CDK8: variants seen among roughly 807,000 people sequenced by gnomAD.
The protein encoded by CDK8 is cyclin dependent kinase 8, also known as cyclin-dependent kinase 8.
CDK8 carries 29 observed loss-of-function variants against 71.5 expected under a neutral mutation model. The ratio of observed to expected loss-of-function variants is 0.41; its 90% confidence interval spans 0.30 to 0.55. The LOEUF (loss-of-function observed/expected upper bound fraction) is 0.55, where lower values mean the gene tolerates loss of function less well. Among genes scored for constraint, CDK8 ranks in the 20% least tolerant of loss-of-function variants. CDK8 has a pLI of 0.37. For synonymous variants in CDK8, 161 were observed against 192.1 expected (o/e 0.84, Z 1.34); for missense variants, 288 against 572.6 (o/e 0.50, Z 5.07).
At chr13:26,381,394 T>C (rs1020148720) in intron 4 of CDK8, among the ~76,000 whole-genome samples, 1 of 152,274 alleles carries the variant, frequency 6.6e-6, no homozygotes, top group Middle Eastern at 3.4e-3. Context: ...TTATTTGTCC[T>C]GGGTAGCACC....
At chr13:26,339,752 AAAAAAT>A (rs1470524131) in intron 2 of CDK8, among the ~76,000 whole-genome samples, 16 of 41,842 alleles carry the variant, frequency 3.8e-4, no homozygotes, top group Non-Finnish European at 3.3e-4. Context: ...TTACTTAAAA[AAAAAAT>A]ATATATATAT....
At chr13:26,358,447 T>G (rs1375308126) in intron 4 of CDK8, among the ~76,000 whole-genome samples, 1 of 152,206 alleles carries the variant, frequency 6.6e-6, no homozygotes, top group Non-Finnish European at 1.5e-5. Flanking sequence ...TAAGGCATTC[T>G]AAGAATTTTT....
chr13:26,281,950 A>G (rs964099974), intron 1 of CDK8, among the ~76,000 whole-genome samples: 110 of 152,160 alleles, frequency 7.2e-4, no homozygotes, highest in Non-Finnish European at 7.4e-5. Context: ...ATAGACTAGA[A>G]CAAATAGAAG....
chr13:26,317,334 G>A (rs1196283769), intron 1 of CDK8, among the ~76,000 whole-genome samples: 1 of 152,138 alleles, frequency 6.6e-6, no homozygotes, highest in Non-Finnish European at 1.5e-5. Flanking sequence ...GGAAAAAACT[G>A]ATAGGGAGAG....
At chr13:26,306,494 A>G (rs1874045123) in intron 1 of CDK8, among the ~76,000 whole-genome samples, 1 of 152,114 alleles carries the variant, frequency 6.6e-6, no homozygotes, top group Non-Finnish European at 1.5e-5. Flanking sequence ...TTAAAATAAT[A>G]TGAATCCTTT....
At chr13:26,355,793 A>T (rs1191670112) in intron 4 of CDK8, among the ~76,000 whole-genome samples, 1 of 152,174 alleles carries the variant, frequency 6.6e-6, no homozygotes, top group Non-Finnish European at 1.5e-5. Context: ...ACTGTGGCTT[A>T]AGGACATTTT....
intron 4 of CDK8, among the ~76,000 whole-genome samples, chr13:26,370,282 C>T (rs61944777): frequency 0.014 from 2,157 of 152,152 alleles, 20 homozygotes; most frequent in Non-Finnish European, 0.02. Flanking sequence ...AAATAAGATC[C>T]GGGTGAACTT....
Position 26,260,824 on chromosome 13 carries a change from A to C in CDK8, c.128+6055A>C, listed in dbSNP as rs142696543. 6.6e-3 allele frequency among the ~76,000 whole-genome samples: 1,002 copies of C among 152,364 alleles called. 2 individuals are homozygous for C. The highest frequency in any genetic ancestry group is 0.023 in the African/African-American group (951 of 41,594). On this transcript the variant is annotated intron_variant, in intron 1 of 12. Coordinates refer to ENST00000381527, the MANE Select transcript of CDK8 (RefSeq NM_001260.3). ...GTGATTCATTTGTTAGATGGGAACT[A>C]TGTATGGCAAATCAGTGTTGATAAA...
At chr13:26,351,120 G>T (rs1873662550) in intron 3 of CDK8, among the ~76,000 whole-genome samples, 1 of 152,108 alleles carries the variant, frequency 6.6e-6, no homozygotes, top group East Asian at 1.9e-4. Context: ...TAAGAAACAA[G>T]TAAACTAAAC....
chr13:26,398,248 CA>C (rs1876084619), intron 9 of CDK8, among the ~76,000 whole-genome samples: 1 of 152,156 alleles, frequency 6.6e-6, no homozygotes, highest in Non-Finnish European at 1.5e-5. Context: ...AATGTACTTA[CA>C]GTAGGACCCA....
intron 12 of CDK8, among the ~76,000 whole-genome samples, chr13:26,403,272 G>T (rs1399227233): frequency 1.3e-5 from 2 of 152,140 alleles, no homozygotes; most frequent in East Asian, 3.9e-4. Context: ...TGGTTTAGAA[G>T]GCTGAGGGGA....
intron 1 of CDK8, among the ~76,000 whole-genome samples, chr13:26,286,776 C>T (rs1361785028): frequency 3.3e-5 from 5 of 152,082 alleles, no homozygotes; most frequent in Admixed American, 2.6e-4. Flanking sequence ...AGGACTAATA[C>T]CCAGAATCTA....
intron 4 of CDK8, among the ~76,000 whole-genome samples, chr13:26,363,157 T>TAA (rs551583949): frequency 3.1e-4 from 42 of 137,534 alleles, no homozygotes; most frequent in African/African-American, 8.3e-4. Flanking sequence ...CCATCTCTGC[T>TAA]AAAAAAAAAA....
intron 1 of CDK8, among the ~76,000 whole-genome samples, chr13:26,304,869 A>G (rs1196614880): frequency 1.3e-5 from 2 of 151,916 alleles, no homozygotes; most frequent in Admixed American, 6.6e-5. Flanking sequence ...GGGTCTCACT[A>G]TGTAGCCCAG....
At chr13:26,336,524 C>T (rs1348332393) in intron 1 of CDK8, among the ~76,000 whole-genome samples, 2 of 150,516 alleles carry the variant, frequency 1.3e-5, no homozygotes, top group East Asian at 1.9e-4. Context: ...CCATTTAGGC[C>T]TCAGATGGCA....
intron 4 of CDK8, among the ~76,000 whole-genome samples, chr13:26,366,361 T>A (rs1174049844): frequency 6.6e-6 from 1 of 152,168 alleles, no homozygotes; most frequent in African/African-American, 2.4e-5. Context: ...ATAAATTTTG[T>A]TTGAATCAAC....
intron 1 of CDK8, among the ~76,000 whole-genome samples, chr13:26,293,913 C>T (rs1400797194): frequency 6.6e-6 from 1 of 152,048 alleles, no homozygotes; most frequent in African/African-American, 2.4e-5. Context: ...TTGCAAACCT[C>T]TCCCCAATCA....
At chr13:26,370,570 T>C (rs1042347698) in intron 4 of CDK8, among the ~76,000 whole-genome samples, 10 of 152,250 alleles carry the variant, frequency 6.6e-5, no homozygotes, top group Non-Finnish European at 1.5e-4. Context: ...ATACTTCCAA[T>C]ATTCTAGCAC....
rs191644469 is a variant in CDK8, at chr13:26,254,779, T to C, written c.128+10T>C. Reference sequence around the variant, plus strand: ...CCAAGAGGAAAGATGGGTGAGTGTGTGTGTCTGGGCCGGTGTCCGCGCTGG... The same window carrying C: ...CCAAGAGGAAAGATGGGTGAGTGTGCGTGTCTGGGCCGGTGTCCGCGCTGG... On this transcript the variant is annotated intron_variant, in intron 1 of 12. Coordinates refer to ENST00000381527, the MANE Select transcript of CDK8 (RefSeq NM_001260.3). This position sits in a 1 kb window ranked among gnomAD's most constrained non-coding sequence, Gnocchi z 6.7. 1,290 of 1,611,204 alleles carry C rather than the reference T, an allele frequency of 8.0e-4. 4 individuals are homozygous for C. In the African/African-American group the frequency reaches 0.014, roughly 17 times the overall value.
Sources: gnomAD v4.1 joint callset for allele counts (sites outside exome capture counted in the v4.1 genomes callset) on GRCh38, gnomAD v4.1.1 for gene constraint, Gnocchi (gnomAD v3.1) non-coding constraint, MANE v1.5 for transcripts, NCBI Gene and HGNC (gene_info 2026-07-23, HGNC 2026-07-21) for gene names.